Variants in ALCAM observed in about 807,000 individuals in gnomAD.
The protein encoded by ALCAM is CD166 antigen.
In ALCAM, 30 loss-of-function variants were observed where a neutral mutation model predicts 70.9. The ratio of observed to expected loss-of-function variants is 0.42; its 90% CI spans 0.32 to 0.57. The LOEUF (loss-of-function observed/expected upper bound fraction) is 0.57, where lower values mean the gene tolerates loss of function less well. Among genes scored for constraint, ALCAM ranks in the 20% least tolerant of loss-of-function variants. ALCAM has a pLI of 0.11. For missense variants in ALCAM, 591 were observed against 695.1 expected, an observed-to-expected ratio of 0.85 and a Z score of 1.68; for synonymous variants, 249 against 242.5, an observed-to-expected ratio of 1.03 and a Z score of -0.25.
chr3:105,492,737 A>G (rs1938622906), intron 1 of ALCAM, among the ~76,000 whole-genome samples: 1 of 152,190 alleles, frequency 6.6e-6, no homozygotes, highest in Admixed American at 6.5e-5. Context: ...ATGTTGTTCT[A>G]TTTTTGGGGT....
At chr3:105,439,064 G>C (rs1937115222) in intron 1 of ALCAM, among the ~76,000 whole-genome samples, 1 of 152,142 alleles carries the variant, frequency 6.6e-6, no homozygotes, top group Admixed American at 6.5e-5. Context: ...GATGGCTGGG[G>C]GGCCTTAGAC....
chr3:105,430,057 AACAC>A (rs896089888), intron 1 of ALCAM, among the ~76,000 whole-genome samples: 1 of 152,028 alleles, frequency 6.6e-6, no homozygotes, highest in Admixed American at 6.6e-5. Flanking sequence ...AATTTTAATA[AACAC>A]ACAATATATC....
chr3:105,385,798 A>G (rs1048042337), intron 1 of ALCAM, among the ~76,000 whole-genome samples: 15 of 151,682 alleles, frequency 9.9e-5, no homozygotes, highest in Non-Finnish European at 2.2e-4. Context: ...TTAATTCTAT[A>G]GTGAAACTAA....
intron 1 of ALCAM, among the ~76,000 whole-genome samples, chr3:105,410,852 T>C (rs1559782514): frequency 6.6e-6 from 1 of 151,362 alleles, no homozygotes; most frequent in Non-Finnish European, 1.5e-5. Flanking sequence ...ATAAAAATTG[T>C]TATGAAATGA....
intron 1 of ALCAM, among the ~76,000 whole-genome samples, chr3:105,430,092 A>G (rs1257661311): frequency 6.6e-6 from 1 of 151,980 alleles, no homozygotes; most frequent in Non-Finnish European, 1.5e-5. Context: ...CATGGACACT[A>G]TATTTTTAAA....
intron 14 of ALCAM, among the ~76,000 whole-genome samples, chr3:105,560,592 A>G (rs2152633931): frequency 6.6e-6 from 1 of 152,256 alleles, no homozygotes; most frequent in South Asian, 2.1e-4. Context: ...TGTGTCTACT[A>G]TATGAAATCT....
chr3:105,570,868 T>C (rs1489945728), intron 14 of ALCAM, among the ~76,000 whole-genome samples: 1 of 152,108 alleles, frequency 6.6e-6, no homozygotes, highest in African/African-American at 2.4e-5. Context: ...GTAGTAGCCT[T>C]TGGGCAGGAA....
At chr3:105,403,208 C>T (rs1936135100) in intron 1 of ALCAM, among the ~76,000 whole-genome samples, 1 of 152,084 alleles carries the variant, frequency 6.6e-6, no homozygotes, top group South Asian at 2.1e-4. Context: ...CAGCCTCCCA[C>T]AGTGCCGGGA....
chr3:105,412,217 G>A (rs1199588808), intron 1 of ALCAM, among the ~76,000 whole-genome samples: 1 of 152,098 alleles, frequency 6.6e-6, no homozygotes, highest in Non-Finnish European at 1.5e-5. Context: ...ATAGATCTAT[G>A]TGTCCAAATA....
intron 2 of ALCAM, among the ~76,000 whole-genome samples, chr3:105,522,486 C>T (rs1025412832): frequency 2.0e-5 from 3 of 152,016 alleles, no homozygotes; most frequent in Non-Finnish European, 2.9e-5. Flanking sequence ...AAAAATGAGC[C>T]GAAGTAAACA....
chr3:105,535,832 T>C (rs1939955335), intron 6 of ALCAM, among the ~76,000 whole-genome samples: 1 of 152,102 alleles, frequency 6.6e-6, no homozygotes, highest in African/African-American at 2.4e-5. Context: ...ACATCTATTT[T>C]AGAGAAAAGC....
chr3:105,448,529 C>A, intron 1 of ALCAM, among the ~76,000 whole-genome samples: 1 of 152,062 alleles, frequency 6.6e-6, no homozygotes, highest in Non-Finnish European at 1.5e-5. Flanking sequence ...GTAACCATGG[C>A]TCCATCCAAT....
At chr3:105,413,541 T>G (rs1239095582) in intron 1 of ALCAM, among the ~76,000 whole-genome samples, 1 of 152,128 alleles carries the variant, frequency 6.6e-6, no homozygotes, top group East Asian at 1.9e-4. Flanking sequence ...CCTCCTCTGG[T>G]GCATAGTAGA....
chr3:105,442,792 G>GA (rs1018123361), intron 1 of ALCAM, among the ~76,000 whole-genome samples: 4 of 151,330 alleles, frequency 2.6e-5, no homozygotes, highest in African/African-American at 9.7e-5. Flanking sequence ...AAAAAAAAAA[G>GA]AAAGAAAGAA....
chr3:105,510,919 G>A (rs1939218726), intron 1 of ALCAM, among the ~76,000 whole-genome samples: 1 of 151,966 alleles, frequency 6.6e-6, no homozygotes, highest in African/African-American at 2.4e-5. Flanking sequence ...TTTTCAAAGA[G>A]TTAAAATCTT....
At chr3:105,501,297 G>A (rs542921586) in intron 1 of ALCAM, among the ~76,000 whole-genome samples, 18 of 152,256 alleles carry the variant, frequency 1.2e-4, no homozygotes, top group Non-Finnish European at 1.9e-4. Context: ...TTGGCAAGTC[G>A]GTTGAAACAG....
At chr3:105,568,058 A>ATT (rs34005304) in intron 14 of ALCAM, among the ~76,000 whole-genome samples, 6 of 116,236 alleles carry the variant, frequency 5.2e-5, no homozygotes, top group African/African-American at 1.5e-4. Flanking sequence ...ATTTTATTTT[A>ATT]TTTTATTTTT....
At chr3:105,374,123 T>G (rs1935314355) in intron 1 of ALCAM, among the ~76,000 whole-genome samples, 1 of 152,226 alleles carries the variant, frequency 6.6e-6, no homozygotes, top group Non-Finnish European at 1.5e-5. Context: ...ATGTGGTTAT[T>G]GAAGCTATTA....
intron 1 of ALCAM, among the ~76,000 whole-genome samples, chr3:105,417,421 T>C (rs1936532867): frequency 6.6e-6 from 1 of 151,504 alleles, no homozygotes; most frequent in Non-Finnish European, 1.5e-5. Context: ...ATATATAACA[T>C]AGATGAAAAA....
Sources: gnomAD v4.1 joint callset for allele counts (sites outside exome capture counted in the v4.1 genomes callset) on GRCh38, gnomAD v4.1.1 for gene constraint, MANE v1.5 for transcripts, NCBI Gene and HGNC (gene_info 2026-07-23, HGNC 2026-07-21) for gene names.